TRAF3IP1: variants seen among roughly 807,000 people sequenced by gnomAD.
TRAF3IP1 encodes intraflagellar transport 54.
Under a neutral mutation model 89.9 loss-of-function variants are expected in TRAF3IP1, and 53 were observed. That is an observed-to-expected ratio of 0.59 (90% CI 0.47 to 0.74). The LOEUF (loss-of-function observed/expected upper bound fraction) is 0.74, where lower values mean the gene tolerates loss of function less well. Among genes scored for constraint, TRAF3IP1 ranks in the 30% least tolerant of loss-of-function variants. The pLI, the probability that TRAF3IP1 is intolerant of heterozygous loss-of-function variation, is 0.00. For missense variants in TRAF3IP1, 806 were observed against 866.1 expected, an observed-to-expected ratio of 0.93 and a Z score of 0.87; for synonymous variants, 311 against 322.1, an observed-to-expected ratio of 0.97 and a Z score of 0.37.
chr2:238,350,315 C>T (rs1043743416), intron 12 of TRAF3IP1, among the ~76,000 whole-genome samples: 6 of 152,064 alleles, frequency 3.9e-5, no homozygotes, highest in Non-Finnish European at 2.9e-5. Flanking sequence ...ACGTAGGCGA[C>T]GTGGGACAGG....
chr2:238,325,473 G>A, intron 2 of TRAF3IP1, 99 bp downstream of exon 2: 1 of 1,245,602 alleles, frequency 8.0e-7, no homozygotes, highest in Non-Finnish European at 1.2e-6. Context: ...TCTGCTGCAT[G>A]TGGTTGGAAT....
At chr2:238,350,600 G>A (rs1198995088) in intron 12 of TRAF3IP1, among the ~76,000 whole-genome samples, 1 of 152,076 alleles carries the variant, frequency 6.6e-6, no homozygotes, top group Non-Finnish European at 1.5e-5. Context: ...GACATTTTCT[G>A]GTGTTCTGAT....
chr2:238,359,251 T>C (rs891223040), intron 15 of TRAF3IP1, among the ~76,000 whole-genome samples: 1 of 152,196 alleles, frequency 6.6e-6, no homozygotes, highest in Non-Finnish European at 1.5e-5. Context: ...AATGAACATC[T>C]GTTTCCAAAC....
chr2:238,367,497 G>C (rs1477781036), intron 15 of TRAF3IP1, among the ~76,000 whole-genome samples: 1 of 152,234 alleles, frequency 6.6e-6, no homozygotes, highest in East Asian at 1.9e-4. Flanking sequence ...AGCTGAGCGA[G>C]TGGGCTTGGG....
intron 11 of TRAF3IP1, 71 bp downstream of exon 11, chr2:238,348,919 T>C (rs1699021212): frequency 1.5e-6 from 2 of 1,310,104 alleles, no homozygotes; most frequent in African/African-American, 1.5e-5. Flanking sequence ...CTTCTCTTTC[T>C]GGCTGCTGCT....
At chr2:238,326,744 A>G (rs1180979178) in intron 3 of TRAF3IP1, among the ~76,000 whole-genome samples, 1 of 152,112 alleles carries the variant, frequency 6.6e-6, no homozygotes, top group African/African-American at 2.4e-5. Context: ...GCTGGGGGCT[A>G]ACCTTAAATG....
chr2:238,363,210 A>T (rs1699734996), intron 15 of TRAF3IP1, among the ~76,000 whole-genome samples: 1 of 151,992 alleles, frequency 6.6e-6, no homozygotes, highest in Non-Finnish European at 1.5e-5. Context: ...ATTCCTTTTA[A>T]TTTCTTTGGG....
rs1443577895 is a variant in TRAF3IP1 at position 238,345,959 on chromosome 2, C to T, written c.1261+1361C>T. 6.6e-6 allele frequency among the ~76,000 whole-genome samples: 1 copy of T among 152,122 alleles called. No homozygotes were observed. On this transcript the variant is annotated intron_variant, in intron 9 of 16. Transcript: ENST00000373327. The surrounding 1 kb of genome is among the most constrained non-coding windows in gnomAD (Gnocchi z 4.7). ...AGTATCCATTGAAAGGTAGAGAGTTCACTGTGCTGACTTTCCTTCTGGGTA... is the reference window on the plus strand; with the variant it reads ...AGTATCCATTGAAAGGTAGAGAGTTTACTGTGCTGACTTTCCTTCTGGGTA...
chr2:238,385,673 C>A (rs1481114829), intron 15 of TRAF3IP1, among the ~76,000 whole-genome samples: 1 of 152,180 alleles, frequency 6.6e-6, no homozygotes, highest in South Asian at 2.1e-4. Flanking sequence ...CCAGTTTTTC[C>A]GTGGACTGCT....
chr2:238,377,198 T>C (rs1574960271), intron 15 of TRAF3IP1, among the ~76,000 whole-genome samples: 1 of 150,786 alleles, frequency 6.6e-6, no homozygotes, highest in East Asian at 1.9e-4. Flanking sequence ...ATGGTGATTG[T>C]GGGTAACCTC....
At chr2:238,332,993 A>G (rs1698204699) in intron 6 of TRAF3IP1, 98 bp downstream of exon 6, 2 of 880,276 alleles carry the variant, frequency 2.3e-6, no homozygotes, top group Non-Finnish European at 3.8e-6. Context: ...GCATGGAAGG[A>G]GCACATGGTC....
Position 238,384,437 on chromosome 2 carries a change from A to G in TRAF3IP1, c.1690-13022A>G, listed in dbSNP as rs1288183426. Among the ~76,000 whole-genome samples, 3 of 150,046 alleles carry G rather than the reference A, an allele frequency of 2.0e-5. No homozygotes were observed. In the South Asian group the frequency reaches 6.3e-4, roughly 32 times the overall value. ...GGCCAGGCTGGGGTGCAGTGGTGTG[A>G]TCTTGGCTTACTGCAACCTCTGCCT... On this transcript the variant is annotated intron_variant, in intron 15 of 16. Coordinates refer to ENST00000373327, the MANE Select transcript of TRAF3IP1 (RefSeq NM_015650.4).
At chr2:238,356,234 C>T (rs757993949) in intron 15 of TRAF3IP1, among the ~76,000 whole-genome samples, 154 bp downstream of exon 15, 2 of 152,340 alleles carry the variant, frequency 1.3e-5, no homozygotes, top group Admixed American at 6.5e-5. Context: ...TGGTGGCTCA[C>T]GCCTGCAATC....
At chr2:238,394,418 C>T (rs1701125591) in intron 15 of TRAF3IP1, among the ~76,000 whole-genome samples, 1 of 152,182 alleles carries the variant, frequency 6.6e-6, no homozygotes, top group African/African-American at 2.4e-5. Flanking sequence ...ATTCCATGGA[C>T]ACAGTGTGTC....
At chr2:238,363,203 C>G (rs1207198143) in intron 15 of TRAF3IP1, among the ~76,000 whole-genome samples, 1 of 152,094 alleles carries the variant, frequency 6.6e-6, no homozygotes, top group Admixed American at 6.6e-5. Context: ...CTCTGTTATT[C>G]CTTTTAATTT....
chr2:238,338,484 A>T, intron 8 of TRAF3IP1, 27 bp downstream of exon 8: 1 of 1,268,986 alleles, frequency 7.9e-7, no homozygotes, highest in Non-Finnish European at 1.1e-6. Context: ...CTTTAGTTTA[A>T]ATTCCTCACC....
intron 7 of TRAF3IP1, among the ~76,000 whole-genome samples, chr2:238,337,554 T>C (rs1301238682): frequency 6.6e-6 from 1 of 152,000 alleles, no homozygotes; most frequent in Non-Finnish European, 1.5e-5. Flanking sequence ...AACTGTGGAG[T>C]GGCAGGAGTA....
chr2:238,346,738 A>G (rs552720985), intron 9 of TRAF3IP1, among the ~76,000 whole-genome samples: 2 of 152,278 alleles, frequency 1.3e-5, no homozygotes, highest in Non-Finnish European at 2.9e-5. Flanking sequence ...TCTCTGCCGT[A>G]TAGTGTGCTG....
intron 5 of TRAF3IP1, 46 bp downstream of exon 5, chr2:238,329,388 T>C (rs1416636815): frequency 1.5e-6 from 2 of 1,328,446 alleles, no homozygotes; most frequent in East Asian, 2.7e-5. Context: ...CAAGAGTTTG[T>C]GGTGGTCTCA....
Sources: allele counts gnomAD v4.1 joint callset (sites outside exome capture counted in the v4.1 genomes callset), GRCh38; gene constraint gnomAD v4.1.1; non-coding constraint Gnocchi (gnomAD v3.1); transcripts MANE v1.5; gene names NCBI Gene and HGNC (gene_info 2026-07-23, HGNC 2026-07-21).